TTC28: variants seen among roughly 807,000 people sequenced by gnomAD.
TTC28 encodes tetratricopeptide repeat domain 28, also known as tetratricopeptide repeat protein 28.
TTC28 carries 61 observed loss-of-function variants against 198.0 expected under a neutral mutation model. The observed-to-expected ratio is 0.31, with a 90% confidence interval of 0.25 to 0.38. The LOEUF is 0.38. Ranked by LOEUF, TTC28 falls within the 10% of genes least tolerant of loss-of-function variation. TTC28 has a pLI of 1.00. For missense variants in TTC28, 2,678 were observed against 3,164.0 expected (o/e 0.85, Z 3.69); for synonymous variants, 1,171 against 1,297.8 (o/e 0.90, Z 2.10).
intron 5 of TTC28, among the ~76,000 whole-genome samples, chr22:28,166,620 C>T (rs1921992332): frequency 6.6e-6 from 1 of 152,104 alleles, no homozygotes; most frequent in Non-Finnish European, 1.5e-5. Flanking sequence ...TTTTTTGAAG[C>T]CAATGAGAAC....
intron 5 of TTC28, among the ~76,000 whole-genome samples, chr22:28,222,585 A>G (rs1236373022): frequency 6.6e-6 from 1 of 152,222 alleles, no homozygotes; most frequent in East Asian, 1.9e-4. Context: ...AGATCCAGCA[A>G]TTACTACTTC....
chr22:28,475,149 C>CAAAAAAAAAA (rs386395148), intron 2 of TTC28, among the ~76,000 whole-genome samples: 16 of 64,958 alleles, frequency 2.5e-4, no homozygotes, highest in African/African-American at 3.8e-4. Context: ...GACTCCATCT[C>CAAAAAAAAAA]AAAAAAAAAA....
At chr22:28,401,477 C>G (rs2046908216) in intron 2 of TTC28, among the ~76,000 whole-genome samples, 2 of 151,852 alleles carry the variant, frequency 1.3e-5, no homozygotes, top group Non-Finnish European at 2.9e-5. Context: ...TTAGCCAGAC[C>G]TGGTGGTGCC....
chr22:28,661,436 T>C (rs1014438779), intron 1 of TTC28, among the ~76,000 whole-genome samples: 1 of 152,264 alleles, frequency 6.6e-6, no homozygotes, highest in Non-Finnish European at 1.5e-5. Flanking sequence ...CATTTATTTT[T>C]AGAGACTGGG....
chr22:28,639,016 G>T (rs868244485), intron 1 of TTC28, among the ~76,000 whole-genome samples: 1 of 152,104 alleles, frequency 6.6e-6, no homozygotes, highest in Non-Finnish European at 1.5e-5. Flanking sequence ...AAATGTAAAA[G>T]TTGCATAACC....
At chr22:28,066,854 A>G (rs981432630) in intron 12 of TTC28, among the ~76,000 whole-genome samples, 1 of 151,926 alleles carries the variant, frequency 6.6e-6, no homozygotes, top group Non-Finnish European at 1.5e-5. Context: ...GGTGTGCTTG[A>G]TATTCTTCCC....
intron 5 of TTC28, among the ~76,000 whole-genome samples, chr22:28,216,298 T>C (rs1927395132): frequency 1.3e-5 from 2 of 151,800 alleles, no homozygotes; most frequent in South Asian, 4.2e-4. Flanking sequence ...AAGGAAGGAG[T>C]GGTCAATTCA....
rs967257330 is a variant in TTC28, at chr22:28,118,002, G to A, written c.1442-9599C>T. Among the ~76,000 whole-genome samples the A allele has an allele frequency of 7.2e-5, 11 of 152,116 alleles. No individual in the cohort carries two copies. The East Asian group carries it at 9.6e-4, about 13-fold the overall frequency. Reference sequence around the variant, plus strand: ...AGGGGACAAGTACCCCATTTACCCCGATGGTGATTATTACGCATTATATGC... The same window carrying A: ...AGGGGACAAGTACCCCATTTACCCCAATGGTGATTATTACGCATTATATGC... On this transcript the variant is annotated intron_variant, in intron 6 of 22. Coordinates refer to ENST00000397906, the MANE Select transcript of TTC28 (RefSeq NM_001145418.2).
intron 5 of TTC28, among the ~76,000 whole-genome samples, chr22:28,258,334 G>A (rs140684882): frequency 3.2e-4 from 48 of 152,202 alleles, no homozygotes; most frequent in African/African-American, 1.2e-3. Context: ...ATCAGCAGAA[G>A]TCAAAGAAAT....
chr22:28,287,185 A>C (rs1381284756), intron 5 of TTC28, among the ~76,000 whole-genome samples: 1 of 152,224 alleles, frequency 6.6e-6, no homozygotes, highest in Non-Finnish European at 1.5e-5. Context: ...TTATTAACAG[A>C]GCAGAGTCTT....
chr22:28,525,446 C>T (rs1466284014), intron 2 of TTC28, among the ~76,000 whole-genome samples: 2 of 152,190 alleles, frequency 1.3e-5, no homozygotes, highest in East Asian at 3.9e-4. Context: ...TGAGCCACCT[C>T]ATCCAGCCTC....
At chr22:28,498,946 T>C (rs2048497083) in intron 2 of TTC28, among the ~76,000 whole-genome samples, 2 of 152,116 alleles carry the variant, frequency 1.3e-5, no homozygotes, top group Admixed American at 6.5e-5. Flanking sequence ...GAGGCTGAGG[T>C]GGCAGGACTG....
chr22:28,415,341 C>T (rs695591), intron 2 of TTC28, among the ~76,000 whole-genome samples: 113,548 of 151,850 alleles, frequency 0.75, 42,620 homozygotes, highest in South Asian at 0.85. Context: ...GCAATTACAA[C>T]TTTTAATAGA....
chr22:28,467,265 A>G (rs544167308), intron 2 of TTC28, among the ~76,000 whole-genome samples: 1 of 152,230 alleles, frequency 6.6e-6, no homozygotes, highest in African/African-American at 2.4e-5. Context: ...TACAAACAAA[A>G]CAATAAAAAT....
intron 5 of TTC28, among the ~76,000 whole-genome samples, chr22:28,238,030 C>G (rs1040495405): frequency 6.6e-6 from 1 of 152,058 alleles, no homozygotes; most frequent in Non-Finnish European, 1.5e-5. Flanking sequence ...TTCAGATTCT[C>G]TCTTTTATCA....
chr22:28,675,676 C>T (rs1464019977), intron 1 of TTC28, among the ~76,000 whole-genome samples: 1 of 150,922 alleles, frequency 6.6e-6, no homozygotes, highest in Non-Finnish European at 1.5e-5. Context: ...GAGGTCCAGG[C>T]TGCAGTGAGC....
At chr22:28,379,613 GA>G (rs1424681188) in intron 2 of TTC28, among the ~76,000 whole-genome samples, 1 of 152,164 alleles carries the variant, frequency 6.6e-6, no homozygotes, top group East Asian at 1.9e-4. Context: ...GTAGTTGCCA[GA>G]AGTTGAGGGG....
chr22:28,495,966 A>G (rs2048449290), intron 2 of TTC28, among the ~76,000 whole-genome samples: 1 of 152,114 alleles, frequency 6.6e-6, no homozygotes, highest in African/African-American at 2.4e-5. Flanking sequence ...GCTAAATCCA[A>G]TAGTCAATCC....
At chr22:28,194,206 C>A (rs887469869) in intron 5 of TTC28, among the ~76,000 whole-genome samples, 13 of 152,060 alleles carry the variant, frequency 8.5e-5, no homozygotes, top group Admixed American at 2.0e-4. Flanking sequence ...AAAATGAAGA[C>A]AGAAATAAAG....
Sources: allele counts gnomAD v4.1 joint callset (sites outside exome capture counted in the v4.1 genomes callset), GRCh38; gene constraint gnomAD v4.1.1; transcripts MANE v1.5; gene names NCBI Gene and HGNC (gene_info 2026-07-23, HGNC 2026-07-21).